Variants in MARCHF10 observed in about 807,000 individuals in gnomAD.
The protein encoded by MARCHF10 is membrane associated ring-CH-type finger 10, also known as probable E3 ubiquitin-protein ligase MARCHF10.
A neutral mutation model predicts 76.2 loss-of-function variants in MARCHF10; 64 were observed. The ratio of observed to expected loss-of-function variants is 0.84; its 90% CI spans 0.69 to 1.03. The LOEUF (loss-of-function observed/expected upper bound fraction) is 1.03, where lower values mean the gene tolerates loss of function less well. Among genes scored for constraint, MARCHF10 ranks in the 50% least tolerant of loss-of-function variants. The probability of loss-of-function intolerance (pLI) is 0.00; values close to 1 mark genes in which losing one functional copy is unlikely to be tolerated. For synonymous variants in MARCHF10, 340 were observed against 357.5 expected (o/e 0.95, Z 0.55); for missense variants, 875 against 958.0 (o/e 0.91, Z 1.14).
intron 6 of MARCHF10, among the ~76,000 whole-genome samples, chr17:62,728,174 G>T (rs140558034): frequency 6.6e-6 from 1 of 151,104 alleles, no homozygotes; most frequent in African/African-American, 2.4e-5. Flanking sequence ...ACAGGTGCAC[G>T]CCACCATGCC....
In MARCHF10 at chr17:62,736,149, C is replaced by T. The variant is rs1191600815; in HGVS notation, c.1719G>A (p.Val573=). 1.2e-6 allele frequency: 2 copies of T among 1,614,182 alleles called. No homozygotes were observed. Among genetic ancestry groups the T allele is most frequent in the South Asian group, 2.2e-5 (2 of 91,078 alleles). Residue 573 remains valine, a synonymous_variant, in exon 6 of 11, where the codon GTG becomes GTA. Coordinates refer to ENST00000311269, the MANE Select transcript of MARCHF10 (RefSeq NM_152598.4). ...TTGATGGAGAGGAGCTGGAAGAATCCACTAAGGACAAATTGCCCTGTGGAT... is the reference window on the plus strand; with the variant it reads ...TTGATGGAGAGGAGCTGGAAGAATCTACTAAGGACAAATTGCCCTGTGGAT... The part of the protein sequence containing the change: ...LLNPQGNLSL[V]DSSSSSPSRM...
chr17:62,766,529 G>A (rs2092336513), intron 3 of MARCHF10, among the ~76,000 whole-genome samples: 1 of 151,878 alleles, frequency 6.6e-6, no homozygotes, highest in Admixed American at 6.6e-5. Context: ...AAAAAAGAAC[G>A]TTAAAATGCG....
intron 3 of MARCHF10, among the ~76,000 whole-genome samples, chr17:62,776,064 T>C (rs567414280): frequency 3.0e-4 from 46 of 152,310 alleles, no homozygotes; most frequent in Non-Finnish European, 6.0e-4. Flanking sequence ...TCCCAAAGTG[T>C]GGGATTACAG....
chr17:62,749,123 G>A (rs992987845), intron 4 of MARCHF10, among the ~76,000 whole-genome samples: 1 of 152,166 alleles, frequency 6.6e-6, no homozygotes, highest in Non-Finnish European at 1.5e-5. Context: ...CAGCTGTTTA[G>A]ATTAAAGGCA....
At chr17:62,774,126 G>A (rs182396045) in intron 3 of MARCHF10, among the ~76,000 whole-genome samples, 15 of 152,330 alleles carry the variant, frequency 9.8e-5, no homozygotes, top group African/African-American at 3.1e-4. Flanking sequence ...CTGGGAAATG[G>A]TTAAACAGCA....
At chr17:62,742,902 G>C (rs746152660) in intron 5 of MARCHF10, among the ~76,000 whole-genome samples, 4 of 151,906 alleles carry the variant, frequency 2.6e-5, no homozygotes, top group Non-Finnish European at 5.9e-5. Context: ...TATAGTGCTG[G>C]GATTACAGGG....
intron 3 of MARCHF10, among the ~76,000 whole-genome samples, chr17:62,764,417 T>C (rs1040383416): frequency 1.6e-4 from 24 of 152,134 alleles, no homozygotes; most frequent in Non-Finnish European, 2.6e-4. Context: ...TATGATATAG[T>C]GCAGGGCACA....
intron 3 of MARCHF10, among the ~76,000 whole-genome samples, chr17:62,780,766 G>C (rs528603876): frequency 6.6e-6 from 1 of 152,148 alleles, no homozygotes; most frequent in African/African-American, 2.4e-5. Context: ...TTGGAACGAC[G>C]TCCTTTCCAG....
intron 6 of MARCHF10, among the ~76,000 whole-genome samples, chr17:62,730,020 A>G (rs1427389934): frequency 6.6e-6 from 1 of 152,218 alleles, no homozygotes; most frequent in Non-Finnish European, 1.5e-5. Flanking sequence ...CGTCTCTACT[A>G]AAAATGCAAA....
intron 3 of MARCHF10, among the ~76,000 whole-genome samples, chr17:62,772,848 C>T (rs770297256): frequency 2.0e-5 from 3 of 152,174 alleles, no homozygotes; most frequent in African/African-American, 7.2e-5. Context: ...TTTCACATCT[C>T]ATTAAATTGG....
At position 62,738,053 on chromosome 17, in the gene MARCHF10, C is replaced by T. The variant is rs900292468; in HGVS notation, c.536-721G>A. On this transcript the variant is annotated intron_variant, in intron 5 of 10. Transcript: ENST00000311269. This position sits in a 1 kb window ranked among gnomAD's most constrained non-coding sequence, Gnocchi z 4.0. ...GCATGCTAACTGTCTCTCTCTGTCT[C>T]TCTCTGTCACACACACACACACACA... 2.9e-5 allele frequency: 4 copies of T among 137,276 alleles called. No homozygotes were observed. The highest frequency in any genetic ancestry group is 6.1e-5 in the Non-Finnish European group (4 of 65,408). 8.5% of individuals were successfully genotyped at this position (137,276 alleles called of 1,614,324 possible). A position where few individuals can be genotyped will look rare whatever the true frequency, so the allele number is the denominator to read the frequency against.
At chr17:62,767,247 A>T (rs913508257) in intron 3 of MARCHF10, among the ~76,000 whole-genome samples, 5 of 141,646 alleles carry the variant, frequency 3.5e-5, no homozygotes, top group Admixed American at 2.2e-4. Flanking sequence ...TTAGAGAGAG[A>T]AAACAAAACA....
At chr17:62,794,948 A>G (rs1445298521) in intron 2 of MARCHF10, 1 of 866,278 alleles carries the variant, frequency 1.2e-6, no homozygotes, top group East Asian at 1.2e-4. Context: ...GCATAAAAAC[A>G]GTTTGAGATA....
At chr17:62,777,712 T>TTAA (rs1254287368) in intron 3 of MARCHF10, among the ~76,000 whole-genome samples, 1 of 31,820 alleles carries the variant, frequency 3.1e-5, no homozygotes, top group Non-Finnish European at 9.2e-5. Context: ...AGACTCCATC[T>TTAA]CAAAAAAAAA....
chr17:62,756,452 C>A (rs1033612973), intron 4 of MARCHF10, among the ~76,000 whole-genome samples: 1 of 152,034 alleles, frequency 6.6e-6, no homozygotes, highest in Non-Finnish European at 1.5e-5. Flanking sequence ...TCTCTATAAT[C>A]AATCAATCAG....
At chr17:62,705,701 G>T in intron 9 of MARCHF10, 120 bp from the exon 10 acceptor site, 1 of 1,250,562 alleles carries the variant, frequency 8.0e-7, no homozygotes, top group Non-Finnish European at 1.1e-6. Flanking sequence ...AAAGGGGCAG[G>T]AAAATGGGCA....
intron 9 of MARCHF10, among the ~76,000 whole-genome samples, chr17:62,710,349 T>C (rs34793237): frequency 0.076 from 11,614 of 152,178 alleles, 685 homozygotes; most frequent in African/African-American, 0.17. Context: ...ATGTATTTCT[T>C]TGAGAAATTT....
chr17:62,764,374 G>A lies in MARCHF10; in HGVS notation c.211-4368C>T, dbSNP rs554050953. 3.3e-4 allele frequency among the ~76,000 whole-genome samples: 50 copies of A among 152,272 alleles called. 2 individuals carry two copies. In the South Asian group the frequency reaches 8.7e-3, roughly 27 times the overall value. ...TGTGTACCGAACCCATCTTTGCCGT[G>A]AGTCACGTGATGGAGGCTGAGCTAA... On this transcript the variant is annotated intron_variant, in intron 3 of 10. Coordinates refer to ENST00000311269, the MANE Select transcript of MARCHF10 (RefSeq NM_152598.4).
Position 62,711,089 on chromosome 17 carries a change from T to A in MARCHF10, c.2328+142A>T. ...GGTCACCATGTGTACACTTAGCAGC[T>A]GCTAAATCTTAGTCCTAACAATGAT... On this transcript the variant is annotated intron_variant, in intron 9 of 10. Transcript: ENST00000311269. This position sits in a 1 kb window ranked among gnomAD's most constrained non-coding sequence, Gnocchi z 4.4. 1.5e-6 allele frequency: 1 copy of A among 660,222 alleles called. No homozygotes were observed. The highest frequency in any genetic ancestry group is 2.7e-6 in the Non-Finnish European group (1 of 373,120). The allele number at this position is 660,222 out of a possible 1,614,324, so 40.9% of individuals were successfully genotyped here.
Sources: allele counts gnomAD v4.1 joint callset (sites outside exome capture counted in the v4.1 genomes callset), GRCh38; gene constraint gnomAD v4.1.1; non-coding constraint Gnocchi (gnomAD v3.1); transcripts MANE v1.5; gene names NCBI Gene and HGNC (gene_info 2026-07-23, HGNC 2026-07-21).